The following SV2C variants were observed in gnomAD, a reference collection of about 807,000 sequenced individuals.
SV2C encodes synaptic vesicle glycoprotein 2C.
SV2C carries 49 observed loss-of-function variants against 79.7 expected under a neutral mutation model. That is an observed-to-expected ratio of 0.61 (90% CI 0.49 to 0.78). The LOEUF (loss-of-function observed/expected upper bound fraction) is 0.78. Among genes scored for constraint, SV2C ranks in the 30% least tolerant of loss-of-function variants. The probability of loss-of-function intolerance (pLI) is 0.00; values close to 1 mark genes in which losing one functional copy is unlikely to be tolerated. For missense variants in SV2C, 833 were observed against 912.9 expected, an observed-to-expected ratio of 0.91 and a Z score of 1.13; for synonymous variants, 334 against 333.2, an observed-to-expected ratio of 1.00 and a Z score of -0.03.
chr5:76,256,168 T>C (rs1746258457), intron 4 of SV2C, among the ~76,000 whole-genome samples: 1 of 152,300 alleles, frequency 6.6e-6, no homozygotes, highest in African/African-American at 2.4e-5. Flanking sequence ...CCCTCAGAGC[T>C]AGAGGGTGGG....
chr5:76,099,954 G>T (rs1747683501), intron 1 of SV2C, among the ~76,000 whole-genome samples: 1 of 152,122 alleles, frequency 6.6e-6, no homozygotes. Context: ...GCTCTTATTT[G>T]AATTTTTAGA....
At chr5:75,971,785 A>C in the SV2C span, among the ~76,000 whole-genome samples, 3 of 152,126 alleles carry the variant, frequency 2.0e-5, no homozygotes, top group African/African-American at 7.3e-5. Context: ...CATCCCCATC[A>C]AGCTACCAAC....
chr5:76,127,253 G>A (rs1748734817), intron 1 of SV2C, among the ~76,000 whole-genome samples: 2 of 152,186 alleles, frequency 1.3e-5, no homozygotes, highest in East Asian at 1.9e-4. Context: ...TAGGGTGGGA[G>A]CTTGTGTAGG....
chr5:75,987,286 G>T, the SV2C span, among the ~76,000 whole-genome samples: 1 of 151,976 alleles, frequency 6.6e-6, no homozygotes, highest in Non-Finnish European at 1.5e-5. Context: ...GCTGGGGGTA[G>T]CTGTGTCACA....
chr5:76,308,754 TCA>T (rs1748302108), intron 12 of SV2C, among the ~76,000 whole-genome samples: 1 of 152,198 alleles, frequency 6.6e-6, no homozygotes, highest in Non-Finnish European at 1.5e-5. Context: ...TTTTCCTCTT[TCA>T]GTCTTGTTCT....
the SV2C span, among the ~76,000 whole-genome samples, chr5:75,855,277 G>GC: frequency 6.6e-6 from 1 of 151,960 alleles, no homozygotes; most frequent in African/African-American, 2.4e-5. Context: ...TATTATAATG[G>GC]CATTGGACTT....
chr5:76,014,497 G>A, the SV2C span, among the ~76,000 whole-genome samples: 1 of 152,180 alleles, frequency 6.6e-6, no homozygotes, highest in East Asian at 1.9e-4. Flanking sequence ...TCAGATCTCT[G>A]TGAAATTATA....
intron 2 of SV2C, among the ~76,000 whole-genome samples, chr5:76,177,180 C>T (rs1227617749): frequency 6.8e-6 from 1 of 147,170 alleles, no homozygotes; most frequent in Non-Finnish European, 1.5e-5. Context: ...TTATATTAAT[C>T]AATATATTAT....
the SV2C span, among the ~76,000 whole-genome samples, chr5:75,855,942 C>G: frequency 2.0e-5 from 3 of 152,084 alleles, no homozygotes; most frequent in Non-Finnish European, 4.4e-5. Flanking sequence ...CATTTCTCCC[C>G]CTCCCCACTA....
chr5:76,030,289 T>TTTTTTTTTTTTTTTTTA, the SV2C span, among the ~76,000 whole-genome samples: 4 of 117,872 alleles, frequency 3.4e-5, no homozygotes, highest in African/African-American at 7.8e-5. Context: ...TTTTTTTTTT[T>TTTTTTTTTTTTTTTTTA]TTTATTTATT....
chr5:75,952,702 T>C, the SV2C span, among the ~76,000 whole-genome samples: 2 of 151,832 alleles, frequency 1.3e-5, no homozygotes, highest in Non-Finnish European at 2.9e-5. Context: ...GGGTAAATGC[T>C]CCTGAGGACT....
chr5:75,881,606 G>T, the SV2C span, among the ~76,000 whole-genome samples: 1 of 151,996 alleles, frequency 6.6e-6, no homozygotes, highest in Non-Finnish European at 1.5e-5. Flanking sequence ...TTTGTCTGTT[G>T]TTGGTGTATA....
chr5:76,312,608 T>A (rs914071648), intron 12 of SV2C, among the ~76,000 whole-genome samples: 11 of 152,174 alleles, frequency 7.2e-5, no homozygotes, highest in Non-Finnish European at 1.2e-4. Context: ...AGCGCACACC[T>A]TGTGAGATGC....
chr5:75,893,839 G>A, the SV2C span, among the ~76,000 whole-genome samples: 1 of 152,060 alleles, frequency 6.6e-6, no homozygotes, highest in African/African-American at 2.4e-5. Context: ...CTCTGGAAGT[G>A]AAGAAGGTGG....
chr5:76,223,650 T>G (rs1745158643), intron 4 of SV2C, among the ~76,000 whole-genome samples: 1 of 151,658 alleles, frequency 6.6e-6, no homozygotes, highest in Non-Finnish European at 1.5e-5. Flanking sequence ...ATGCAACTTC[T>G]CTAGCTCCTC....
the SV2C span, among the ~76,000 whole-genome samples, chr5:75,885,730 G>C: frequency 1.3e-5 from 2 of 151,954 alleles, no homozygotes; most frequent in African/African-American, 4.8e-5. Context: ...CTTTTTTCTT[G>C]AATCAGGAGT....
the SV2C span, among the ~76,000 whole-genome samples, chr5:75,900,584 G>A: frequency 1.1e-4 from 17 of 152,196 alleles, no homozygotes; most frequent in South Asian, 4.1e-4. Context: ...GGCATTCTCT[G>A]TATTTCCTGA....
intron 1 of SV2C, among the ~76,000 whole-genome samples, chr5:76,094,881 C>T (rs1747498239): frequency 6.6e-6 from 1 of 152,140 alleles, no homozygotes; most frequent in Non-Finnish European, 1.5e-5. Flanking sequence ...AATATTTCCT[C>T]CTAGTGTGGC....
At chr5:76,315,500 G>T (rs542876927) in intron 12 of SV2C, among the ~76,000 whole-genome samples, 1 of 152,288 alleles carries the variant, frequency 6.6e-6, no homozygotes, top group East Asian at 1.9e-4. Context: ...CTGAGAAGAG[G>T]TGGTGCTGAG....
Sources: gnomAD v4.1 joint callset for allele counts (sites outside exome capture counted in the v4.1 genomes callset) on GRCh38, gnomAD v4.1.1 for gene constraint, MANE v1.5 for transcripts, NCBI Gene and HGNC (gene_info 2026-07-23, HGNC 2026-07-21) for gene names.